LMTK2: variants seen among roughly 807,000 people sequenced by gnomAD.
LMTK2 encodes lemur tail kinase 2, also known as serine/threonine-protein kinase LMTK2.
Under a neutral mutation model 127.5 loss-of-function variants are expected in LMTK2, and 37 were observed. The ratio of observed to expected loss-of-function variants is 0.29; its 90% CI spans 0.22 to 0.38. LMTK2 has a LOEUF of 0.38. LMTK2 is among the 10% of genes least tolerant of loss of function. LMTK2 has a pLI of 1.00. For missense variants in LMTK2, 1,694 were observed against 1,920.3 expected (o/e 0.88, Z 2.20); for synonymous variants, 819 against 810.1 (o/e 1.01, Z -0.19).
chr7:98,121,833 G>A (rs1354472509), intron 1 of LMTK2, among the ~76,000 whole-genome samples: 1 of 151,720 alleles, frequency 6.6e-6, no homozygotes, highest in East Asian at 1.9e-4. Flanking sequence ...AGACCTCGAC[G>A]CTACAAAAAT....
At position 98,194,376 on chromosome 7, in the gene LMTK2, A is replaced by G; in HGVS notation, c.3911A>G (p.His1304Arg). 1.2e-6 allele frequency: 2 copies of G among 1,614,168 alleles called. No homozygotes were observed. The highest frequency in any genetic ancestry group is 1.6e-4 in the Middle Eastern group (1 of 6,062). The change falls in exon 11 of 14, where the codon CAT becomes CGT. Residue 1304 changes from histidine (H) to arginine (R), a missense_variant. Transcript: ENST00000297293. The surrounding 1 kb of genome is among the most constrained non-coding windows in gnomAD (Gnocchi z 5.4). ...GAGGACCTGCGGGCCTTCAACCTGC[A>G]TAGCCTCAGCTCCGAGTCGGAGGAC... ...SDEDLRAFNL[H>R]SLSSESEDET...
chr7:98,202,443 G>C (rs532693199), intron 11 of LMTK2, among the ~76,000 whole-genome samples: 1 of 152,278 alleles, frequency 6.6e-6, no homozygotes, highest in South Asian at 2.1e-4. Context: ...TCTTTTCCCA[G>C]GTAAATTGAG....
At chr7:98,203,328 C>G (rs1797735488) in intron 11 of LMTK2, among the ~76,000 whole-genome samples, 1 of 152,244 alleles carries the variant, frequency 6.6e-6, no homozygotes, top group African/African-American at 2.4e-5. Context: ...GCCCGCCTGC[C>G]TGCTGCTCTG....
intron 3 of LMTK2, among the ~76,000 whole-genome samples, chr7:98,149,549 G>A (rs544067656): frequency 7.6e-4 from 115 of 152,256 alleles, no homozygotes; most frequent in Non-Finnish European, 1.4e-3. Context: ...AAATGGTGCC[G>A]GAACAACTGG....
chr7:98,132,986 C>T (rs1432870107), intron 1 of LMTK2, among the ~76,000 whole-genome samples: 1 of 152,228 alleles, frequency 6.6e-6, no homozygotes, highest in Non-Finnish European at 1.5e-5. Flanking sequence ...GTCTCTAAAA[C>T]AGATAATATG....
At chr7:98,119,619 G>A (rs979212898) in intron 1 of LMTK2, among the ~76,000 whole-genome samples, 4 of 152,202 alleles carry the variant, frequency 2.6e-5, no homozygotes, top group South Asian at 2.1e-4. Context: ...CAGGTAGTCC[G>A]ACAATCAGAT....
chr7:98,171,706 C>G lies in LMTK2; in HGVS notation c.791+32C>G. ...ACCTGCGTCAGCGGTGCACGCCCCA[C>G]ACAGCACCGGCGGGACAGTCCAGAG... On this transcript the variant is annotated intron_variant, in intron 7 of 13. Transcript: ENST00000297293. This position sits in a 1 kb window ranked among gnomAD's most constrained non-coding sequence, Gnocchi z 5.1. 6.5e-7 allele frequency: 1 copy of G among 1,535,324 alleles called. No homozygotes were observed. Among genetic ancestry groups the G allele is most frequent in the Non-Finnish European group, 8.7e-7 (1 of 1,145,522 alleles).
At chr7:98,132,409 C>G (rs1187446764) in intron 1 of LMTK2, among the ~76,000 whole-genome samples, 1 of 152,110 alleles carries the variant, frequency 6.6e-6, no homozygotes, top group Non-Finnish European at 1.5e-5. Context: ...CGGCACCACG[C>G]CTGGCTAATT....
intron 5 of LMTK2, among the ~76,000 whole-genome samples, chr7:98,155,610 C>A (rs1562907953): frequency 6.6e-6 from 1 of 151,062 alleles, no homozygotes; most frequent in East Asian, 1.9e-4. Context: ...TCATCAGAAA[C>A]CTGGAGGCCA....
At chr7:98,199,818 G>A (rs1256732882) in intron 11 of LMTK2, among the ~76,000 whole-genome samples, 3 of 152,168 alleles carry the variant, frequency 2.0e-5, no homozygotes, top group Non-Finnish European at 2.9e-5. Context: ...TAATGTTTGC[G>A]TGGTGTATCT....
chr7:98,208,492 C>G lies in LMTK2; in HGVS notation c.*3000C>G, dbSNP rs1797842514. On this transcript the variant is annotated 3_prime_UTR_variant, in exon 14 of 14. Transcript: ENST00000297293. ...CAATGAACTAAATCAGTGGCATTCT[C>G]TAGATAATGTGGGGGAAGGTTAGAA... is the stretch of plus-strand genomic sequence containing the variant. The G allele has an allele frequency of 6.6e-6, 1 of 152,170 alleles. No homozygotes were observed. The highest frequency in any genetic ancestry group is 2.1e-4 in the South Asian group (1 of 4,830). The allele number at this position is 152,170 out of a possible 1,614,324, so 9.4% of individuals were successfully genotyped here. A position where few individuals can be genotyped will look rare whatever the true frequency, so the allele number is the denominator to read the frequency against.
At chr7:98,134,987 C>T (rs2116355039) in intron 1 of LMTK2, among the ~76,000 whole-genome samples, 1 of 152,240 alleles carries the variant, frequency 6.6e-6, no homozygotes, top group East Asian at 1.9e-4. Flanking sequence ...TTCTCAACAC[C>T]CCTTGGTTAA....
chr7:98,124,280 C>T (rs778883354), intron 1 of LMTK2, among the ~76,000 whole-genome samples: 1 of 152,194 alleles, frequency 6.6e-6, no homozygotes, highest in Non-Finnish European at 1.5e-5. Context: ...GAAGAGCTTG[C>T]ACTCTGAGCC....
chr7:98,116,402 G>A (rs1364559791), intron 1 of LMTK2, among the ~76,000 whole-genome samples: 1 of 151,346 alleles, frequency 6.6e-6, no homozygotes, highest in Non-Finnish European at 1.5e-5. Context: ...GTGTGTGTGT[G>A]TGTGCATGTG....
chr7:98,142,065 A>C (rs995700696), intron 3 of LMTK2, among the ~76,000 whole-genome samples: 5 of 152,196 alleles, frequency 3.3e-5, no homozygotes, highest in African/African-American at 1.2e-4. Flanking sequence ...TTGAAATTTA[A>C]GCCCTTTTTA....
chr7:98,172,781 A>G (rs1247497928), intron 7 of LMTK2, among the ~76,000 whole-genome samples: 2 of 151,794 alleles, frequency 1.3e-5, no homozygotes. Context: ...TATTTTTTTG[A>G]GACGGAGTCT....
intron 2 of LMTK2, among the ~76,000 whole-genome samples, chr7:98,140,998 A>G (rs1429179912): frequency 6.6e-6 from 1 of 151,350 alleles, no homozygotes; most frequent in Non-Finnish European, 1.5e-5. Context: ...TCCAGGCTGC[A>G]GTGAGCCATG....
Position 98,122,224 on chromosome 7 carries a change from C to T in LMTK2, c.103+14944C>T, listed in dbSNP as rs1449583140. On this transcript the variant is annotated intron_variant, in intron 1 of 13. Transcript: ENST00000297293. ...TCCTTTTTTTTTCCTTTCCAACTTTCGTTTTTGTTTCGGGGGGTGCATGTG... is the reference window on the plus strand; with the variant it reads ...TCCTTTTTTTTTCCTTTCCAACTTTTGTTTTTGTTTCGGGGGGTGCATGTG... 2.6e-5 allele frequency among the ~76,000 whole-genome samples: 4 copies of T among 151,488 alleles called. No individual in the cohort carries two copies. In the East Asian group the frequency reaches 5.8e-4, roughly 22 times the overall value.
Position 98,109,150 on chromosome 7 carries a change from C to T in LMTK2, c.103+1870C>T, listed in dbSNP as rs1053736454. 2.0e-5 allele frequency among the ~76,000 whole-genome samples: 3 copies of T among 152,096 alleles called. No homozygotes were observed. The East Asian group carries it at 5.8e-4, about 29-fold the overall frequency. On this transcript the variant is annotated intron_variant, in intron 1 of 13. Coordinates refer to ENST00000297293, the MANE Select transcript of LMTK2 (RefSeq NM_014916.4). ...CTGGGATTACAGGCGTGAGCCACCG[C>T]GCCTGGCCACCTGTACACTTCTTAC... is the stretch of plus-strand genomic sequence containing the variant.
Sources: gnomAD v4.1 joint callset for allele counts (sites outside exome capture counted in the v4.1 genomes callset) on GRCh38, gnomAD v4.1.1 for gene constraint, Gnocchi (gnomAD v3.1) non-coding constraint, MANE v1.5 for transcripts, NCBI Gene and HGNC (gene_info 2026-07-23, HGNC 2026-07-21) for gene names.